SLC44A5: variants seen among roughly 807,000 people sequenced by gnomAD.
SLC44A5 encodes choline transporter-like protein 5.
Under a neutral mutation model 101.8 loss-of-function variants are expected in SLC44A5, and 57 were observed. The observed-to-expected ratio is 0.56, with a 90% CI of 0.45 to 0.70. The LOEUF (loss-of-function observed/expected upper bound fraction) is 0.70, where lower values mean the gene tolerates loss of function less well. Ranked by LOEUF, SLC44A5 falls within the 30% of genes least tolerant of loss-of-function variation. The pLI, the probability that SLC44A5 is intolerant of heterozygous loss-of-function variation, is 0.00. For synonymous variants in SLC44A5, 281 were observed against 290.9 expected (o/e 0.97, Z 0.35); for missense variants, 737 against 853.1 (o/e 0.86, Z 1.70).
chr1:75,414,698 A>G (rs191074781), intron 2 of SLC44A5, among the ~76,000 whole-genome samples: 274 of 152,286 alleles, frequency 1.8e-3, no homozygotes, highest in African/African-American at 6.2e-3. Flanking sequence ...AAATAGGCAA[A>G]AGGTTAGAAG....
chr1:75,714,024 A>G, the SLC44A5 span, among the ~76,000 whole-genome samples: 1 of 152,118 alleles, frequency 6.6e-6, no homozygotes, highest in East Asian at 1.9e-4. Flanking sequence ...CTGGTCTCAA[A>G]CTCCTGGGCT....
chr1:75,361,997 G>T (rs973988180), intron 3 of SLC44A5, among the ~76,000 whole-genome samples: 1 of 151,860 alleles, frequency 6.6e-6, no homozygotes, highest in African/African-American at 2.4e-5. Flanking sequence ...ACTTATTATC[G>T]ATCTATTCAG....
chr1:75,675,815 G>A, the SLC44A5 span, among the ~76,000 whole-genome samples: 8 of 151,994 alleles, frequency 5.3e-5, no homozygotes, highest in South Asian at 4.1e-4. Flanking sequence ...TCTAACAAAG[G>A]TCTAATATCC....
the SLC44A5 span, among the ~76,000 whole-genome samples, chr1:75,675,250 A>G: frequency 6.6e-6 from 1 of 152,128 alleles, no homozygotes; most frequent in Non-Finnish European, 1.5e-5. Flanking sequence ...ATGAGTATGG[A>G]ATGTTTTTTC....
At chr1:75,282,143 C>T (rs894500421) in intron 5 of SLC44A5, among the ~76,000 whole-genome samples, 2 of 152,164 alleles carry the variant, frequency 1.3e-5, no homozygotes, top group Non-Finnish European at 2.9e-5. Context: ...CTGCCTATGA[C>T]CAAGGGAGCC....
chr1:75,525,597 C>T (rs1046326621), intron 2 of SLC44A5, among the ~76,000 whole-genome samples: 3 of 151,864 alleles, frequency 2.0e-5, no homozygotes, highest in Non-Finnish European at 2.9e-5. Context: ...AACATGAATA[C>T]AATCTGTGAA....
At chr1:75,680,382 T>C in the SLC44A5 span, among the ~76,000 whole-genome samples, 2 of 152,140 alleles carry the variant, frequency 1.3e-5, no homozygotes, top group East Asian at 1.9e-4. Context: ...CCTCAGCAAA[T>C]GTAAAGAACA....
chr1:75,538,294 A>G (rs1671164586), intron 2 of SLC44A5, among the ~76,000 whole-genome samples: 1 of 152,170 alleles, frequency 6.6e-6, no homozygotes, highest in Non-Finnish European at 1.5e-5. Context: ...AACCTTAGTA[A>G]TAGCATCTAA....
intron 1 of SLC44A5, among the ~76,000 whole-genome samples, chr1:75,577,293 T>C (rs1476641942): frequency 6.6e-6 from 1 of 152,344 alleles, no homozygotes; most frequent in South Asian, 2.1e-4. Context: ...TCTCAAACCA[T>C]TCATTAACTT....
chr1:75,591,601 T>C (rs1292122988), intron 1 of SLC44A5, among the ~76,000 whole-genome samples: 2 of 152,146 alleles, frequency 1.3e-5, no homozygotes, highest in Non-Finnish European at 2.9e-5. Flanking sequence ...CCAATATCTC[T>C]GGTGAATATT....
chr1:75,695,053 AC>A, the SLC44A5 span, among the ~76,000 whole-genome samples: 2 of 152,204 alleles, frequency 1.3e-5, no homozygotes, highest in East Asian at 3.8e-4. Flanking sequence ...CAGAACTATT[AC>A]AAGGGTAAAA....
chr1:75,653,778 C>A, the SLC44A5 span, among the ~76,000 whole-genome samples: 1 of 152,188 alleles, frequency 6.6e-6, no homozygotes, highest in Non-Finnish European at 1.5e-5. Context: ...GCAAGCTGGA[C>A]TTTAGCATTT....
chr1:75,635,763 T>A, the SLC44A5 span, among the ~76,000 whole-genome samples: 3 of 151,342 alleles, frequency 2.0e-5, no homozygotes, highest in Admixed American at 6.6e-5. Context: ...CATATGTAAC[T>A]AACCTGCACA....
chr1:75,211,833 C>CTTTTCT (rs1553140843), intron 22 of SLC44A5, among the ~76,000 whole-genome samples: 1 of 146,574 alleles, frequency 6.8e-6, no homozygotes, highest in Non-Finnish European at 1.5e-5. Flanking sequence ...CTTTTCTTTT[C>CTTTTCT]TTTTTTTTCT....
upstream of SLC44A5, among the ~76,000 whole-genome samples, chr1:75,611,301 T>C (rs1352208952): frequency 6.6e-6 from 1 of 152,174 alleles, no homozygotes; most frequent in Non-Finnish European, 1.5e-5. Flanking sequence ...TTGTTAATCC[T>C]TGGCAAAGAA....
intron 2 of SLC44A5, among the ~76,000 whole-genome samples, chr1:75,404,930 G>A (rs956471857): frequency 1.3e-5 from 2 of 152,232 alleles, no homozygotes; most frequent in Non-Finnish European, 2.9e-5. Context: ...AGACCCATTA[G>A]TGTGCTATAT....
intron 4 of SLC44A5, among the ~76,000 whole-genome samples, chr1:75,317,140 T>C (rs569030292): frequency 2.3e-4 from 35 of 152,368 alleles, no homozygotes; most frequent in African/African-American, 7.5e-4. Context: ...CAAGAGACTA[T>C]GTATGTTCCA....
intron 2 of SLC44A5, among the ~76,000 whole-genome samples, chr1:75,451,528 A>T (rs1431708289): frequency 1.3e-5 from 2 of 152,098 alleles, no homozygotes; most frequent in Non-Finnish European, 2.9e-5. Context: ...AGAAAAAAAT[A>T]AAAAATCCTA....
intron 3 of SLC44A5, among the ~76,000 whole-genome samples, chr1:75,389,321 G>A (rs751673454): frequency 8.6e-5 from 13 of 152,034 alleles, no homozygotes; most frequent in South Asian, 4.2e-4. Flanking sequence ...TTGACCAACC[G>A]GACCTAAAAG....
Sources: allele counts gnomAD v4.1 joint callset (sites outside exome capture counted in the v4.1 genomes callset), GRCh38; gene constraint gnomAD v4.1.1; transcripts MANE v1.5; gene names NCBI Gene and HGNC (gene_info 2026-07-23, HGNC 2026-07-21).